The following NDE1 variants were observed in gnomAD, a reference collection of about 807,000 sequenced individuals.
NDE1 encodes the protein nuclear distribution protein nudE homolog 1.
In NDE1, 28 loss-of-function variants were observed where a neutral mutation model predicts 43.4. The ratio of observed to expected loss-of-function variants is 0.65; its 90% CI spans 0.48 to 0.89. The LOEUF is 0.89. Ranked by LOEUF, NDE1 falls within the 40% of genes least tolerant of loss-of-function variation. The pLI, the probability that NDE1 is intolerant of heterozygous loss-of-function variation, is 0.00. For synonymous variants in NDE1, 184 were observed against 172.0 expected, an observed-to-expected ratio of 1.07 and a Z score of -0.55; for missense variants, 441 against 434.1, an observed-to-expected ratio of 1.02 and a Z score of -0.14.
intron 5 of NDE1, among the ~76,000 whole-genome samples, chr16:15,689,254 C>G (rs944791576): frequency 6.6e-6 from 1 of 152,104 alleles, no homozygotes; most frequent in Non-Finnish European, 1.5e-5. Context: ...CTTTGAGAGA[C>G]GGACGCAAGA....
chr16:15,718,763 C>G, intron 8 of NDE1: 1 of 462,366 alleles, frequency 2.2e-6, no homozygotes, highest in Non-Finnish European at 4.0e-6. Context: ...CATGAAAGCG[C>G]TGACGGAAAA....
intron 1 of NDE1, among the ~76,000 whole-genome samples, chr16:15,656,145 G>C (rs191958761): frequency 4.9e-4 from 73 of 149,852 alleles, no homozygotes; most frequent in Non-Finnish European, 8.3e-4. Flanking sequence ...TAAAGAAAAA[G>C]AAAAAAAAAG....
intron 7 of NDE1, among the ~76,000 whole-genome samples, chr16:15,695,226 T>C (rs1332602052): frequency 8.1e-5 from 12 of 148,462 alleles, no homozygotes; most frequent in African/African-American, 2.7e-4. Flanking sequence ...TTTTTTTTTT[T>C]TGGTTTGTTT....
At chr16:15,711,670 C>T (rs1366718310) in intron 8 of NDE1, among the ~76,000 whole-genome samples, 1 of 152,118 alleles carries the variant, frequency 6.6e-6, no homozygotes. Flanking sequence ...TAAAGGTTCA[C>T]TCTGCCTGGT....
At chr16:15,697,154 C>T (rs1401767506) in intron 8 of NDE1, 4 of 753,954 alleles carry the variant, frequency 5.3e-6, no homozygotes, top group Non-Finnish European at 6.5e-6. Context: ...ACGATCCTCC[C>T]ACCTCAGTCC....
At chr16:15,658,781 C>T (rs539124124) in intron 1 of NDE1, among the ~76,000 whole-genome samples, 2 of 152,172 alleles carry the variant, frequency 1.3e-5, no homozygotes, top group East Asian at 1.9e-4. Flanking sequence ...CTTAGCCTCC[C>T]GAGTAGTTGG....
intron 8 of NDE1, among the ~76,000 whole-genome samples, chr16:15,698,698 T>A (rs984529366): frequency 6.6e-6 from 1 of 151,858 alleles, no homozygotes; most frequent in South Asian, 2.1e-4. Context: ...CTATCTATAC[T>A]AAAAATACGA....
intron 1 of NDE1, among the ~76,000 whole-genome samples, chr16:15,655,292 A>T (rs1011985970): frequency 1.3e-5 from 2 of 152,118 alleles, no homozygotes; most frequent in African/African-American, 4.8e-5. Context: ...TGCTGGGACT[A>T]CAGGCGTGCA....
At chr16:15,649,385 G>A (rs1326238563), upstream of NDE1, 2 of 152,240 alleles carry the variant, frequency 1.3e-5, no homozygotes, top group Non-Finnish European at 2.9e-5. Flanking sequence ...AGAGTGCAGT[G>A]GTGTGATCTC....
At chr16:15,665,287 G>A (rs571668622) in intron 2 of NDE1, among the ~76,000 whole-genome samples, 1 of 152,060 alleles carries the variant, frequency 6.6e-6, no homozygotes, top group Admixed American at 6.6e-5. Context: ...AAAACTATTA[G>A]CACCCCATTA....
chr16:15,703,042 CT>C (rs1343850639), intron 8 of NDE1: 2 of 173,132 alleles, frequency 1.2e-5, no homozygotes, highest in African/African-American at 4.8e-5. Context: ...TTAACCCTGA[CT>C]TCAGAGAATC....
At chr16:15,702,043 A>G (rs1010410233) in intron 8 of NDE1, 9 of 152,198 alleles carry the variant, frequency 5.9e-5, no homozygotes, top group African/African-American at 1.9e-4. Flanking sequence ...GAAAATTTCT[A>G]TTCAAGCCAG....
intron 3 of NDE1, among the ~76,000 whole-genome samples, chr16:15,668,490 C>G (rs1012269448): frequency 2.6e-5 from 4 of 151,940 alleles, no homozygotes; most frequent in Non-Finnish European, 5.9e-5. Context: ...GTCTTGAACT[C>G]CTGGACGCGA....
intron 8 of NDE1, chr16:15,720,046 G>A: frequency 6.9e-7 from 1 of 1,453,392 alleles, no homozygotes. Flanking sequence ...CCACACCAAT[G>A]GCAGGTGCAG....
chr16:15,704,272 T>A lies in NDE1; in HGVS notation c.947+7412T>A, dbSNP rs1283020234. 7 of 847,978 alleles carry A rather than the reference T, an allele frequency of 8.3e-6. No individual in the cohort carries two copies. In the Admixed American group the frequency reaches 1.4e-4, roughly 17 times the overall value. The allele number at this position is 847,978 out of a possible 1,614,324, so 52.5% of individuals were successfully genotyped here. On this transcript the variant is annotated intron_variant, in intron 8 of 8. Coordinates refer to ENST00000396354, the MANE Select transcript of NDE1 (RefSeq NM_017668.3). Reference sequence around the variant, plus strand: ...GAAAACACACACGGCACAAATAAGATGCAGATATTCAAGTTGAAGTCAACA... The same window carrying A: ...GAAAACACACACGGCACAAATAAGAAGCAGATATTCAAGTTGAAGTCAACA...
intron 8 of NDE1, among the ~76,000 whole-genome samples, chr16:15,700,906 T>A (rs1407717875): frequency 6.6e-6 from 1 of 152,120 alleles, no homozygotes; most frequent in Non-Finnish European, 1.5e-5. Flanking sequence ...AAATCATGTC[T>A]AAGAACAGAG....
chr16:15,651,045 C>A lies in NDE1; in HGVS notation c.-44+751C>A, dbSNP rs1474748157. 3.3e-5 allele frequency among the ~76,000 whole-genome samples: 5 copies of A among 152,160 alleles called. No individual in the cohort carries two copies. The South Asian group carries it at 1.0e-3, about 31-fold the overall frequency. ...AGTGATGGCTGGGCTCACTGAGGAC[C>A]TGAGTCTCTGAGGTCCTGGGAAACC... On this transcript the variant is annotated intron_variant, in intron 1 of 8. Coordinates refer to ENST00000396354, the MANE Select transcript of NDE1 (RefSeq NM_017668.3).
At chr16:15,681,367 T>G (rs753457571) in intron 4 of NDE1, among the ~76,000 whole-genome samples, 8 of 142,414 alleles carry the variant, frequency 5.6e-5, no homozygotes, top group Non-Finnish European at 1.1e-4. Context: ...CTGGGGCAAG[T>G]GATTCTCCCA....
intron 6 of NDE1, among the ~76,000 whole-genome samples, chr16:15,691,748 C>G (rs758789277): frequency 6.6e-6 from 1 of 150,540 alleles, no homozygotes; most frequent in South Asian, 2.1e-4. Context: ...TCAAGTGATT[C>G]TCCCACCTCA....
Sources: allele counts gnomAD v4.1 joint callset (sites outside exome capture counted in the v4.1 genomes callset), GRCh38; gene constraint gnomAD v4.1.1; transcripts MANE v1.5; gene names NCBI Gene and HGNC (gene_info 2026-07-23, HGNC 2026-07-21).